ANO1: variants seen among roughly 807,000 people sequenced by gnomAD.
The protein encoded by ANO1 is anoctamin-1.
A neutral mutation model predicts 124.0 loss-of-function variants in ANO1; 59 were observed. The ratio of observed to expected loss-of-function variants is 0.48; its 90% CI spans 0.39 to 0.59. The LOEUF is 0.59. Ranked by LOEUF, ANO1 falls within the 20% of genes least tolerant of loss-of-function variation. The pLI is 0.00. For synonymous variants in ANO1, 529 were observed against 532.0 expected (o/e 0.99, Z 0.08); for missense variants, 1,059 against 1,328.0 (o/e 0.80, Z 3.15).
At chr11:70,110,135 G>A (rs911117207) in intron 6 of ANO1, among the ~76,000 whole-genome samples, 6 of 150,704 alleles carry the variant, frequency 4.0e-5, no homozygotes, top group Non-Finnish European at 1.5e-5. Context: ...CAGCATTCCA[G>A]CAACAGGAAG....
intron 7 of ANO1, among the ~76,000 whole-genome samples, chr11:70,115,860 C>G (rs1335982532): frequency 6.6e-6 from 1 of 152,152 alleles, no homozygotes; most frequent in East Asian, 1.9e-4. Flanking sequence ...AACCCTTAGA[C>G]CCTTCTCTTC....
At chr11:70,009,201 G>T (rs925012587) in intron 1 of ANO1, among the ~76,000 whole-genome samples, 1 of 152,148 alleles carries the variant, frequency 6.6e-6, no homozygotes, top group Admixed American at 6.5e-5. Context: ...ACAGTGGAGT[G>T]GTCTCTCCCT....
chr11:69,967,155 TCG>T, the ANO1 span, among the ~76,000 whole-genome samples: 2 of 21,220 alleles, frequency 9.4e-5, no homozygotes, highest in East Asian at 7.4e-3. Context: ...GCTGTCTGTA[TCG>T]CACGTTAGCT....
At chr11:69,970,571 C>T in the ANO1 span, among the ~76,000 whole-genome samples, 1,465 of 152,234 alleles carry the variant, frequency 9.6e-3, 28 homozygotes, top group African/African-American at 0.034. Flanking sequence ...TCTGTGACCT[C>T]GGGAAGGTCA....
chr11:70,030,001 G>T (rs1223412120), intron 1 of ANO1, among the ~76,000 whole-genome samples: 1 of 152,238 alleles, frequency 6.6e-6, no homozygotes, highest in Non-Finnish European at 1.5e-5. Flanking sequence ...AGGCAGGCTG[G>T]CACAGCTTTT....
upstream of ANO1, among the ~76,000 whole-genome samples, chr11:69,985,022 C>T (rs1293608332): frequency 2.0e-5 from 3 of 152,224 alleles, no homozygotes; most frequent in Admixed American, 6.5e-5. Flanking sequence ...CACGCCCGCC[C>T]TCCGTAGGGC....
intron 22 of ANO1, among the ~76,000 whole-genome samples, chr11:70,177,749 G>A (rs993285505): frequency 1.3e-5 from 2 of 151,616 alleles, no homozygotes; most frequent in Admixed American, 6.6e-5. Context: ...ACAGGCGCCC[G>A]CCACCACACT....
At chr11:70,184,263 G>T (rs553537184) in intron 24 of ANO1, among the ~76,000 whole-genome samples, 1 of 152,202 alleles carries the variant, frequency 6.6e-6, no homozygotes, top group Non-Finnish European at 1.5e-5. Flanking sequence ...TGTGGAGGGA[G>T]GGAGGCCCTA....
At chr11:70,088,507 CA>C (rs35498359) in intron 2 of ANO1, among the ~76,000 whole-genome samples, 73 of 132,588 alleles carry the variant, frequency 5.5e-4, no homozygotes, top group African/African-American at 1.6e-3. Context: ...GACTCTGCCT[CA>C]AAAAAAAAAA....
Position 70,038,775 on chromosome 11 carries a change from G to T in ANO1, c.59-39767G>T, listed in dbSNP as rs138719684. 4.7e-3 allele frequency among the ~76,000 whole-genome samples: 721 copies of T among 152,314 alleles called. 1 individual carries two copies. Among genetic ancestry groups the T allele is most frequent in the African/African-American group, 0.017 (696 of 41,566 alleles). On this transcript the variant is annotated intron_variant, in intron 1 of 27. Transcript: ENST00000531349. ...CAGGACCAGAAGACCTCGTGCATGA[G>T]CCAAGGTAGGAAAAACCTCAGAGGA... is the stretch of plus-strand genomic sequence containing the variant.
At chr11:70,094,473 C>T (rs888429612) in intron 2 of ANO1, among the ~76,000 whole-genome samples, 10 of 152,302 alleles carry the variant, frequency 6.6e-5, no homozygotes, top group East Asian at 1.9e-4. Context: ...TGAGGAGTCT[C>T]GGGCCTAATC....
chr11:70,032,051 G>T (rs1857011264), intron 1 of ANO1, among the ~76,000 whole-genome samples: 1 of 152,228 alleles, frequency 6.6e-6, no homozygotes, highest in Non-Finnish European at 1.5e-5. Context: ...GACACTCAGG[G>T]AGAGGACAGA....
At chr11:69,987,496 T>A (rs1856067085) in intron 1 of ANO1, among the ~76,000 whole-genome samples, 2 of 151,618 alleles carry the variant, frequency 1.3e-5, no homozygotes, top group South Asian at 4.2e-4. Context: ...GGAGGCCTGT[T>A]GTCCCGGGGC....
chr11:70,090,334 C>A (rs531166980), intron 2 of ANO1, among the ~76,000 whole-genome samples: 49 of 152,328 alleles, frequency 3.2e-4, no homozygotes, highest in African/African-American at 1.1e-3. Flanking sequence ...ACACTCCATC[C>A]TCATTCTTTC....
chr11:69,992,488 G>T lies in ANO1; in HGVS notation c.58+6322G>T, dbSNP rs980901185. Among the ~76,000 whole-genome samples, 12 of 152,176 alleles carry T rather than the reference G, an allele frequency of 7.9e-5. 1 individual carries two copies. The South Asian group carries it at 2.1e-3, about 26-fold the overall frequency. ...TGCCTAATTTCCCACCTCCAAGAGT[G>T]TTCTCTTGGTGAATCCATCAGGATG... On this transcript the variant is annotated intron_variant, in intron 1 of 27. Transcript: ENST00000531349.
intron 1 of ANO1, among the ~76,000 whole-genome samples, chr11:70,032,721 A>G (rs1555003942): frequency 6.6e-6 from 1 of 152,106 alleles, no homozygotes; most frequent in Non-Finnish European, 1.5e-5. Context: ...ATTTAACCTC[A>G]TCTGTTCATC....
chr11:70,119,009 T>A (rs1229472567), intron 8 of ANO1, among the ~76,000 whole-genome samples: 4 of 118,840 alleles, frequency 3.4e-5, no homozygotes, highest in Admixed American at 8.5e-5. Context: ...TAATGATAGA[T>A]GATGGGTGGG....
chr11:70,098,562 C>T (rs1385590720), intron 2 of ANO1, among the ~76,000 whole-genome samples: 2 of 152,106 alleles, frequency 1.3e-5, no homozygotes, highest in Non-Finnish European at 2.9e-5. Flanking sequence ...GAACAATGCC[C>T]TCCAGGGTAT....
intron 20 of ANO1, 89 bp from the exon 21 acceptor site, chr11:70,167,152 AG>A: frequency 6.7e-7 from 1 of 1,484,856 alleles, no homozygotes. Context: ...TGTCTCAAAA[AG>A]AAAAAAAGAC....
Sources: allele counts gnomAD v4.1 joint callset (sites outside exome capture counted in the v4.1 genomes callset), GRCh38; gene constraint gnomAD v4.1.1; transcripts MANE v1.5; gene names NCBI Gene and HGNC (gene_info 2026-07-23, HGNC 2026-07-21).